ZNF536: variants seen among roughly 807,000 people sequenced by gnomAD.
ZNF536 encodes the protein zinc finger protein 536.
In ZNF536, 13 loss-of-function variants were observed where a neutral mutation model predicts 84.5. The ratio of observed to expected loss-of-function variants is 0.15; its 90% CI spans 0.10 to 0.24. ZNF536 has a LOEUF of 0.24. Ranked by LOEUF, ZNF536 falls within the 10% of genes least tolerant of loss-of-function variation. The pLI is 1.00. For missense variants in ZNF536, 1,536 were observed against 1,747.5 expected (o/e 0.88, Z 2.16); for synonymous variants, 811 against 742.5 (o/e 1.09, Z -1.50).
chr19:30,516,461 A>G (rs1314175259), intron 2 of ZNF536, among the ~76,000 whole-genome samples: 1 of 152,238 alleles, frequency 6.6e-6, no homozygotes. Context: ...AAGTGAGACA[A>G]TGAGGCCAGA....
intron 2 of ZNF536, among the ~76,000 whole-genome samples, chr19:30,466,494 G>A (rs1297917037): frequency 2.6e-5 from 4 of 151,634 alleles, no homozygotes; most frequent in Non-Finnish European, 5.9e-5. Flanking sequence ...AGCCCAGGAG[G>A]TTGAGGCTGC....
At chr19:30,364,401 C>T (rs1163206592) in intron 3 of ZNF536, among the ~76,000 whole-genome samples, 3 of 152,012 alleles carry the variant, frequency 2.0e-5, no homozygotes, top group African/African-American at 7.2e-5. Context: ...GTGGCGTGCA[C>T]CTGCAATCCT....
At chr19:30,575,903 G>A (rs2046715737) in intron 1 of ZNF536, among the ~76,000 whole-genome samples, 1 of 152,150 alleles carries the variant, frequency 6.6e-6, no homozygotes, top group African/African-American at 2.4e-5. Flanking sequence ...GAGGGGGAGG[G>A]ACGGGTCACA....
rs76023366 is a variant in ZNF536, at chr19:30,616,136, C to A, written c.169+66622C>A. On this transcript the variant is annotated intron_variant, in intron 1 of 1. Coordinates refer to the ZNF536 transcript ENST00000592773. The stretch of plus-strand genomic sequence containing the variant: ...CATATCTTTTTGCAAATAATCATAA[C>A]CTGCTCTTTTTTTAAACAATTTTAG... Among the ~76,000 whole-genome samples the A allele has an allele frequency of 4.9e-4, 75 of 152,204 alleles. No homozygotes were observed. In the East Asian group the frequency reaches 0.014, roughly 27 times the overall value.
At chr19:30,470,374 A>G (rs1393531590) in intron 2 of ZNF536, among the ~76,000 whole-genome samples, 3 of 152,168 alleles carry the variant, frequency 2.0e-5, no homozygotes, top group Non-Finnish European at 2.9e-5. Context: ...TGTTGATGTT[A>G]TCATTAACCA....
intron 2 of ZNF536, among the ~76,000 whole-genome samples, chr19:30,339,177 A>C (rs1247653840): frequency 6.6e-6 from 1 of 152,216 alleles, no homozygotes; most frequent in East Asian, 1.9e-4. Flanking sequence ...CAGTGAAAAA[A>C]GGGGAGAGCG....
chr19:30,248,750 G>T (rs2024438817), intron 1 of ZNF536, among the ~76,000 whole-genome samples: 1 of 152,130 alleles, frequency 6.6e-6, no homozygotes, highest in South Asian at 2.1e-4. Context: ...TCTGGCTTTT[G>T]ACCTTGGCCA....
intron 2 of ZNF536, among the ~76,000 whole-genome samples, chr19:30,322,441 C>T (rs1477063540): frequency 6.6e-6 from 1 of 152,170 alleles, no homozygotes; most frequent in Non-Finnish European, 1.5e-5. Context: ...CATCCTGCTT[C>T]ACAAACCCAT....
At chr19:30,653,489 C>A (rs1184752005) in intron 1 of ZNF536, among the ~76,000 whole-genome samples, 1 of 152,208 alleles carries the variant, frequency 6.6e-6, no homozygotes, top group African/African-American at 2.4e-5. Context: ...TACACTTTTG[C>A]TTTCAATTGG....
At chr19:30,365,794 G>A (rs1050631582) in intron 3 of ZNF536, among the ~76,000 whole-genome samples, 1 of 152,154 alleles carries the variant, frequency 6.6e-6, no homozygotes, top group Non-Finnish European at 1.5e-5. Context: ...TAGTTTTTAA[G>A]TAGGCACACT....
rs3084731 is a variant in ZNF536, at chr19:30,458,447, G to GTTTTTTTTTTTTTT, written c.2170+12725_2170+12738dup. ...CCAAGTATTTCCTCAATTTCCTGCT[G>GTTTTTTTTTTTTTT]TTTTTTTTTTTTTTTTTTTTTTTGA... On this transcript the variant is annotated intron_variant, in intron 2 of 4. Coordinates refer to ENST00000355537, the MANE Select transcript of ZNF536 (RefSeq NM_014717.3). 1.7e-4 allele frequency among the ~76,000 whole-genome samples: 14 copies of GTTTTTTTTTTTTTT among 83,492 alleles called. 3 individuals carry two copies. Among genetic ancestry groups the GTTTTTTTTTTTTTT allele is most frequent in the African/African-American group, 7.3e-4 (13 of 17,926 alleles). 54.8% of individuals were successfully genotyped at this position (83,492 alleles called of 152,430 possible). A position where few individuals can be genotyped will look rare whatever the true frequency, so the allele number is the denominator to read the frequency against.
At chr19:30,491,315 C>T (rs2054500250) in intron 2 of ZNF536, among the ~76,000 whole-genome samples, 1 of 152,092 alleles carries the variant, frequency 6.6e-6, no homozygotes, top group Admixed American at 6.5e-5. Context: ...CCTTCTGTCT[C>T]CTGTTCAGTA....
intron 2 of ZNF536, among the ~76,000 whole-genome samples, chr19:30,486,447 C>T (rs893701354): frequency 6.6e-6 from 1 of 152,206 alleles, no homozygotes; most frequent in Non-Finnish European, 1.5e-5. Context: ...CTTTTTATGG[C>T]TGCATAGTAT....
At chr19:30,295,428 C>T (rs888194230) in intron 2 of ZNF536, among the ~76,000 whole-genome samples, 13 of 152,108 alleles carry the variant, frequency 8.5e-5, no homozygotes, top group Non-Finnish European at 8.8e-5. Flanking sequence ...GTCAGAATTG[C>T]GTGGAGGGCT....
chr19:30,458,663 G>A (rs564686851), intron 2 of ZNF536, among the ~76,000 whole-genome samples: 10 of 152,116 alleles, frequency 6.6e-5, no homozygotes, highest in South Asian at 4.2e-4. Flanking sequence ...TGTTGGTCAC[G>A]ATGGTCTCGA....
At chr19:30,590,407 G>C (rs1353570942) in intron 1 of ZNF536, among the ~76,000 whole-genome samples, 1 of 152,184 alleles carries the variant, frequency 6.6e-6, no homozygotes, top group Non-Finnish European at 1.5e-5. Context: ...AAAGGAGAGT[G>C]GGTGACATGC....
chr19:30,247,434 G>T (rs1164067916), intron 1 of ZNF536, among the ~76,000 whole-genome samples: 1 of 152,170 alleles, frequency 6.6e-6, no homozygotes, highest in Non-Finnish European at 1.5e-5. Context: ...AGGCAGCTTT[G>T]CAGGGGGTGC....
intron 1 of ZNF536, among the ~76,000 whole-genome samples, chr19:30,231,804 G>C (rs576070816): frequency 9.3e-5 from 14 of 150,950 alleles, no homozygotes; most frequent in African/African-American, 3.4e-4. Context: ...TGGTGGTGAT[G>C]TGTGTGTGTG....
intron 1 of ZNF536, among the ~76,000 whole-genome samples, chr19:30,276,042 C>A (rs1001800282): frequency 6.6e-6 from 1 of 152,028 alleles, no homozygotes; most frequent in Non-Finnish European, 1.5e-5. Flanking sequence ...GGTTTGGGGA[C>A]TTGCAAGCAA....
Sources: gnomAD v4.1 joint callset for allele counts (sites outside exome capture counted in the v4.1 genomes callset) on GRCh38, gnomAD v4.1.1 for gene constraint, MANE v1.5 for transcripts, NCBI Gene and HGNC (gene_info 2026-07-23, HGNC 2026-07-21) for gene names.